The following CD99 variants were observed in gnomAD, a reference collection of about 807,000 sequenced individuals.
The protein encoded by CD99 is CD99 molecule (Xg blood group).
In CD99, 19 loss-of-function variants were observed where a neutral mutation model predicts 28.4. That is an observed-to-expected ratio of 0.67 (90% CI 0.47 to 0.98). CD99 has a LOEUF of 0.98. Among genes scored for constraint, CD99 ranks in the 50% least tolerant of loss-of-function variants. The probability of loss-of-function intolerance (pLI) is 0.00; values close to 1 mark genes in which losing one functional copy is unlikely to be tolerated. For missense variants in CD99, 283 were observed against 248.8 expected, an observed-to-expected ratio of 1.14 and a Z score of -0.92; for synonymous variants, 103 against 92.1, an observed-to-expected ratio of 1.12 and a Z score of -0.67.
intron 1 of CD99, among the ~76,000 whole-genome samples, chrX:2,711,403 GT>G (rs1044952239): frequency 1.4e-4 from 18 of 126,878 alleles, no homozygotes; most frequent in African/African-American, 5.6e-4. Context: ...TATATAGTAT[GT>G]GTGTGTATTA....
chrX:2,711,412 T>TATA (rs780117907), intron 1 of CD99, among the ~76,000 whole-genome samples: 2,164 of 86,386 alleles, frequency 0.025, 60 homozygotes, highest in African/African-American at 0.099. Flanking sequence ...TGTGTGTGTA[T>TATA]TATATATATA....
At chrX:2,695,913 T>G (rs1200589680) in intron 1 of CD99, among the ~76,000 whole-genome samples, 1 of 152,122 alleles carries the variant, frequency 6.6e-6, no homozygotes, top group Non-Finnish European at 1.5e-5. Flanking sequence ...GGATTACAGG[T>G]GTGAGCCACC....
intron 8 of CD99, chrX:2,733,512 C>T: frequency 1.2e-6 from 1 of 868,662 alleles, no homozygotes; most frequent in Non-Finnish European, 1.8e-6. Context: ...CGATGGGATT[C>T]TCAATCACAT....
At chrX:2,738,295 A>G (rs373200665) in intron 9 of CD99, 39 bp downstream of exon 9, 11 of 1,597,742 alleles carry the variant, frequency 6.9e-6, no homozygotes, top group Non-Finnish European at 8.6e-6. Context: ...ACACGTGGCC[A>G]GTGTTCCCAT....
At position 2,703,897 on chromosome X, in the gene CD99, G is replaced by A. The variant is rs778342157; in HGVS notation, c.68-10525G>A. Among the ~76,000 whole-genome samples, 4 of 152,212 alleles carry A rather than the reference G, an allele frequency of 2.6e-5. No individual in the cohort carries two copies. The East Asian group carries it at 7.7e-4, about 29-fold the overall frequency. On this transcript the variant is annotated intron_variant, in intron 1 of 9. Transcript: ENST00000381192. ...AGTTTCCTGTAGGGATGGGATCTGG[G>A]CTGGCATCTGCCTGTGGAAGGGGTG...
intron 1 of CD99, among the ~76,000 whole-genome samples, chrX:2,693,688 G>A (rs2047439670): frequency 6.6e-6 from 1 of 152,140 alleles, no homozygotes; most frequent in Non-Finnish European, 1.5e-5. Flanking sequence ...GGGACCCTGT[G>A]TTCCTTGGTT....
At chrX:2,692,610 C>G (rs901481700) in intron 1 of CD99, among the ~76,000 whole-genome samples, 4 of 152,176 alleles carry the variant, frequency 2.6e-5, no homozygotes, top group African/African-American at 9.7e-5. Flanking sequence ...GGAGGACTTT[C>G]CAGCCTGCAG....
At chrX:2,720,181 G>A (rs912010075) in intron 4 of CD99, 175 bp from the exon 5 acceptor site, 24 of 153,880 alleles carry the variant, frequency 1.6e-4, no homozygotes, top group Non-Finnish European at 2.6e-4. Context: ...ATTAAGAACT[G>A]TGGCTGAAAG....
chrX:2,731,400 G>T (rs1331522637), intron 8 of CD99, among the ~76,000 whole-genome samples: 2 of 152,174 alleles, frequency 1.3e-5, no homozygotes, highest in Non-Finnish European at 1.5e-5. Context: ...GACCAGCCTG[G>T]CCAACATGGT....
At chrX:2,734,294 T>C (rs1300261865) in intron 8 of CD99, among the ~76,000 whole-genome samples, 5 of 151,826 alleles carry the variant, frequency 3.3e-5, no homozygotes, top group Middle Eastern at 3.2e-3. Flanking sequence ...TTTCTTTTCT[T>C]ACTTTTCTTC....
intron 1 of CD99, among the ~76,000 whole-genome samples, chrX:2,712,458 C>G (rs1323439945): frequency 6.6e-6 from 1 of 152,072 alleles, no homozygotes; most frequent in African/African-American, 2.4e-5. Flanking sequence ...TTACAGATTT[C>G]TATGGAAACA....
intron 1 of CD99, among the ~76,000 whole-genome samples, chrX:2,701,013 TCATC>T (rs1219940575): frequency 2.0e-5 from 3 of 148,256 alleles, no homozygotes; most frequent in Non-Finnish European, 3.0e-5. Context: ...ATCCATGCAT[TCATC>T]CATCCATCCA....
intron 1 of CD99, among the ~76,000 whole-genome samples, chrX:2,701,889 T>G (rs1487000197): frequency 1.3e-5 from 2 of 152,126 alleles, no homozygotes; most frequent in Non-Finnish European, 2.9e-5. Flanking sequence ...TAGGAGATAT[T>G]GAGGAAGTTA....
At chrX:2,727,303 AG>A (rs2049342608) in intron 8 of CD99, 1 of 779,202 alleles carries the variant, frequency 1.3e-6, no homozygotes, top group Non-Finnish European at 2.4e-6. Context: ...GTCAGCTGGC[AG>A]GCTCTTTGGG....
chrX:2,738,398 C>T (rs2050051395), intron 9 of CD99, 142 bp downstream of exon 9: 1 of 782,234 alleles, frequency 1.3e-6, no homozygotes, highest in African/African-American at 1.7e-5. Context: ...TGTCTCGTTG[C>T]TTTGGAGGGA....
intron 8 of CD99, among the ~76,000 whole-genome samples, chrX:2,728,669 T>C (rs2049425499): frequency 6.6e-6 from 1 of 152,114 alleles, no homozygotes; most frequent in Admixed American, 6.6e-5. Flanking sequence ...GTTAAAACAG[T>C]AGGGACTCAA....
rs761901836 is a variant in CD99 at position 2,702,359 on chromosome X, C to A, written c.67+10932C>A. Among the ~76,000 whole-genome samples, 3 of 152,256 alleles carry A rather than the reference C, an allele frequency of 2.0e-5. No homozygotes were observed. The East Asian group carries it at 5.8e-4, about 29-fold the overall frequency. On this transcript the variant is annotated intron_variant, in intron 1 of 9. Coordinates refer to ENST00000381192, the MANE Select transcript of CD99 (RefSeq NM_002414.5). ...CCCCAGGATGCCCCTGTATCAGTCCCATGGTGTAACAACCAAATTCACAAG... is the reference window on the plus strand; with the variant it reads ...CCCCAGGATGCCCCTGTATCAGTCCAATGGTGTAACAACCAAATTCACAAG...
intron 1 of CD99, among the ~76,000 whole-genome samples, chrX:2,706,353 C>G (rs1343632678): frequency 6.6e-6 from 1 of 152,094 alleles, no homozygotes; most frequent in Admixed American, 6.6e-5. Context: ...CAGAGACACT[C>G]TGTCTCAAAA....
chrX:2,705,129 C>T (rs1197693447), intron 1 of CD99, among the ~76,000 whole-genome samples: 1 of 152,230 alleles, frequency 6.6e-6, no homozygotes, highest in Non-Finnish European at 1.5e-5. Flanking sequence ...CAGGGCCCGG[C>T]GGCCACTATC....
Sources: allele counts gnomAD v4.1 joint callset (sites outside exome capture counted in the v4.1 genomes callset), GRCh38; gene constraint gnomAD v4.1.1; transcripts MANE v1.5; gene names NCBI Gene and HGNC (gene_info 2026-07-23, HGNC 2026-07-21).